The following GRHL1 variants were observed in gnomAD, a reference collection of about 807,000 sequenced individuals.
GRHL1 encodes the protein grainyhead-like protein 1 homolog.
Under a neutral mutation model 75.7 loss-of-function variants are expected in GRHL1, and 38 were observed. That is an observed-to-expected ratio of 0.50 (90% confidence interval 0.39 to 0.66). The LOEUF (loss-of-function observed/expected upper bound fraction) is 0.66, where lower values mean the gene tolerates loss of function less well. Among genes scored for constraint, GRHL1 ranks in the 30% least tolerant of loss-of-function variants. The pLI is 0.00. For missense variants in GRHL1, 589 were observed against 767.5 expected (o/e 0.77, Z 2.75); for synonymous variants, 266 against 279.4 (o/e 0.95, Z 0.48).
At chr2:9,993,157 C>G (rs1343571626) in intron 11 of GRHL1, 50 bp from the exon 12 acceptor site, 4 of 1,334,410 alleles carry the variant, frequency 3.0e-6, no homozygotes. Context: ...CATTTATGGC[C>G]AAACATTTTG....
At position 9,965,401 on chromosome 2, in the gene GRHL1, C is replaced by G; in HGVS notation, c.1110+20C>G. Reference sequence around the variant, plus strand: ...GCAAAGGTGGGTGGTGAGGTCTGGGCGCCTTATGTCCAGCCATTTGAGAAA... The same window carrying G: ...GCAAAGGTGGGTGGTGAGGTCTGGGGGCCTTATGTCCAGCCATTTGAGAAA... On this transcript the variant is annotated intron_variant, in intron 8 of 15. Coordinates refer to ENST00000324907, the MANE Select transcript of GRHL1 (RefSeq NM_198182.3). The G allele has an allele frequency of 7.4e-7, 1 of 1,343,100 alleles. No homozygotes were observed. The highest frequency in any genetic ancestry group is 1.1e-6 in the Non-Finnish European group (1 of 936,968). The allele number at this position is 1,343,100 out of a possible 1,614,324, so 83.2% of individuals were successfully genotyped here.
At chr2:9,997,256 A>G (rs1028894558) in intron 14 of GRHL1, among the ~76,000 whole-genome samples, 2 of 152,206 alleles carry the variant, frequency 1.3e-5, no homozygotes, top group East Asian at 3.9e-4. Context: ...TTAGGAAGAC[A>G]CAGACACCAA....
rs1666781377 is a variant in GRHL1, at chr2:9,951,810, GC to G, written c.-21del. 6.5e-7 allele frequency: 1 copy of G among 1,529,134 alleles called. No individual in the cohort carries two copies. The highest frequency in any genetic ancestry group is 1.9e-5 in the Admixed American group (1 of 51,554). 94.7% of individuals were successfully genotyped at this position (1,529,134 alleles called of 1,614,324 possible). A position where few individuals can be genotyped will look rare whatever the true frequency, so the allele number is the denominator to read the frequency against. On this transcript the variant is annotated 5_prime_UTR_variant, in exon 1 of 16. Coordinates refer to ENST00000324907, the MANE Select transcript of GRHL1 (RefSeq NM_198182.3). This position sits in a 1 kb window ranked among gnomAD's most constrained non-coding sequence, Gnocchi z 4.2. The stretch of plus-strand genomic sequence containing the variant: ...CCCAACCCGAAAGTCCAGTTCTGCG[GC>G]CCGGCAGCGGCGAGCGGGCGCGATG...
At chr2:9,966,795 A>T (rs982996402) in intron 8 of GRHL1, among the ~76,000 whole-genome samples, 2 of 152,116 alleles carry the variant, frequency 1.3e-5, no homozygotes, top group Non-Finnish European at 2.9e-5. Context: ...TGCAGACTCT[A>T]GGCAGTTGGG....
At position 9,987,319 on chromosome 2, in the gene GRHL1, G is replaced by A. The variant is rs964229354; in HGVS notation, c.1269+1037G>A. Among the ~76,000 whole-genome samples the A allele has an allele frequency of 1.3e-5, 2 of 152,188 alleles. No individual in the cohort carries two copies. Among genetic ancestry groups the A allele is most frequent in the African/African-American group, 4.8e-5 (2 of 41,444 alleles). On this transcript the variant is annotated intron_variant, in intron 9 of 15. Transcript: ENST00000324907. The surrounding 1 kb of genome is among the most constrained non-coding windows in gnomAD (Gnocchi z 4.2). ...TTTTGGCCTTGCAAAGACACATTAT[G>A]TAGAGATTTTTGAAATTACGTTTTA...
At chr2:9,964,406 C>A in intron 7 of GRHL1, 60 bp downstream of exon 7, 1 of 922,512 alleles carries the variant, frequency 1.1e-6, no homozygotes, top group Non-Finnish European at 1.7e-6. Flanking sequence ...TTTTCTAAAT[C>A]CAATTATTTT....
chr2:9,966,410 GA>G (rs141677285), intron 8 of GRHL1: 48 of 147,940 alleles, frequency 3.2e-4, no homozygotes, highest in African/African-American at 8.1e-4. Context: ...CCAAAAAAAA[GA>G]AAAAAAAAAC....
At chr2:9,980,554 C>G (rs1313394203) in intron 8 of GRHL1, among the ~76,000 whole-genome samples, 1 of 152,088 alleles carries the variant, frequency 6.6e-6, no homozygotes, top group Non-Finnish European at 1.5e-5. Context: ...GCCTGTTCAG[C>G]AGTTTATGTT....
At chr2:9,974,768 G>A (rs1286902746) in intron 8 of GRHL1, among the ~76,000 whole-genome samples, 3 of 152,230 alleles carry the variant, frequency 2.0e-5, no homozygotes, top group African/African-American at 7.2e-5. Flanking sequence ...TCAGCTTCCC[G>A]AACTATACAT....
chr2:9,982,899 A>G (rs938843497), intron 8 of GRHL1, among the ~76,000 whole-genome samples: 11 of 152,256 alleles, frequency 7.2e-5, no homozygotes, highest in Admixed American at 6.5e-4. Flanking sequence ...CAATATAAGT[A>G]TATAATCATA....
chr2:9,990,780 G>T lies in GRHL1; in HGVS notation c.1321+33G>T. 7 of 1,569,450 alleles carry T rather than the reference G, an allele frequency of 4.5e-6. No individual in the cohort carries two copies. Among genetic ancestry groups the T allele is most frequent in the Non-Finnish European group, 6.1e-6 (7 of 1,146,838 alleles). ...TCCTGACCCCAGCTCCCAGGTGAAT[G>T]CCTGTAAGTAGAAATGTTCCCGGCA... is the stretch of plus-strand genomic sequence containing the variant. On this transcript the variant is annotated intron_variant, in intron 10 of 15. Transcript: ENST00000324907. The surrounding 1 kb of genome is among the most constrained non-coding windows in gnomAD (Gnocchi z 4.2).
rs1271720116 is a variant in GRHL1 at position 10,000,739 on chromosome 2, A to G, written c.*32A>G. The G allele has an allele frequency of 8.3e-7, 1 of 1,202,348 alleles. No individual in the cohort carries two copies. Among genetic ancestry groups the G allele is most frequent in the Non-Finnish European group, 1.2e-6 (1 of 808,598 alleles). 74.5% of individuals were successfully genotyped at this position (1,202,348 alleles called of 1,614,324 possible). ...GCGGGCCACAGCTCCCCAGGAGTTCAGTGCAGGTGTTTCTAGATCTTACGG... is the reference window on the plus strand; with the variant it reads ...GCGGGCCACAGCTCCCCAGGAGTTCGGTGCAGGTGTTTCTAGATCTTACGG... On this transcript the variant is annotated 3_prime_UTR_variant, in exon 16 of 16. Transcript: ENST00000324907.
intron 2 of GRHL1, among the ~76,000 whole-genome samples, chr2:9,958,106 T>C (rs1217953296): frequency 6.6e-6 from 1 of 152,142 alleles, no homozygotes; most frequent in Non-Finnish European, 1.5e-5. Context: ...CGTTGTGTTT[T>C]CAGTAGCTTC....
chr2:9,965,213 T>C (rs1052328930), intron 7 of GRHL1, 74 bp from the exon 8 acceptor site: 3 of 765,360 alleles, frequency 3.9e-6, no homozygotes, highest in East Asian at 2.5e-5. Flanking sequence ...CTAGATCTTA[T>C]TTTGAACTGC....
intron 8 of GRHL1, among the ~76,000 whole-genome samples, chr2:9,977,513 G>A (rs1667996931): frequency 6.6e-6 from 1 of 152,144 alleles, no homozygotes; most frequent in South Asian, 2.1e-4. Flanking sequence ...TTAGAGACAG[G>A]GTTTCACCAT....
Position 9,987,521 on chromosome 2 carries a change from G to A in GRHL1, c.1269+1239G>A, listed in dbSNP as rs900035650. ...AATCACAAAGTGCTGTGCCTTCACA[G>A]CCCTCTTCCCCAAAGGCCCTTCAAT... On this transcript the variant is annotated intron_variant, in intron 9 of 15. Transcript: ENST00000324907. This position sits in a 1 kb window ranked among gnomAD's most constrained non-coding sequence, Gnocchi z 4.2. 6.6e-6 allele frequency among the ~76,000 whole-genome samples: 1 copy of A among 152,146 alleles called. No homozygotes were observed. The highest frequency in any genetic ancestry group is 1.5e-5 in the Non-Finnish European group (1 of 68,032).
At chr2:9,995,834 G>C in intron 12 of GRHL1, 45 bp from the exon 13 acceptor site, 1 of 1,076,076 alleles carries the variant, frequency 9.3e-7, no homozygotes, top group Non-Finnish European at 1.4e-6. Flanking sequence ...TGTTGATGCA[G>C]CTGGTTAAGT....
chr2:9,969,878 T>C (rs1466807140), intron 8 of GRHL1, among the ~76,000 whole-genome samples: 2 of 147,682 alleles, frequency 1.4e-5, no homozygotes, highest in East Asian at 2.0e-4. Flanking sequence ...AGTCTCACTC[T>C]TTCGCCCAGG....
In GRHL1 at chr2:9,990,057, G is replaced by T. The variant is rs772125338; in HGVS notation, c.1270-639G>T. On this transcript the variant is annotated intron_variant, in intron 9 of 15. Coordinates refer to ENST00000324907, the MANE Select transcript of GRHL1 (RefSeq NM_198182.3). The surrounding 1 kb of genome is among the most constrained non-coding windows in gnomAD (Gnocchi z 4.2). ...TCATTTCCTTTTCCTACTGGACAAA[G>T]GGAAAATACCCTTGTGTCTTTGCAG... Among the ~76,000 whole-genome samples, 10 of 152,098 alleles carry T rather than the reference G, an allele frequency of 6.6e-5. No homozygotes were observed. The highest frequency in any genetic ancestry group is 1.5e-4 in the Non-Finnish European group (10 of 68,020).
Sources: gnomAD v4.1 joint callset for allele counts (sites outside exome capture counted in the v4.1 genomes callset) on GRCh38, gnomAD v4.1.1 for gene constraint, Gnocchi (gnomAD v3.1) non-coding constraint, MANE v1.5 for transcripts, NCBI Gene and HGNC (gene_info 2026-07-23, HGNC 2026-07-21) for gene names.